Variants in PPP2R2B observed in about 807,000 individuals in gnomAD.
PPP2R2B encodes serine/threonine-protein phosphatase 2A 55 kDa regulatory subunit B beta isoform.
In PPP2R2B, 5 loss-of-function variants were observed where a neutral mutation model predicts 46.0. The ratio of observed to expected loss-of-function variants is 0.11; its 90% confidence interval spans 0.06 to 0.23. PPP2R2B has a LOEUF of 0.23. Ranked by LOEUF, PPP2R2B falls within the 10% of genes least tolerant of loss-of-function variation. The pLI is 1.00. For synonymous variants in PPP2R2B, 215 were observed against 206.7 expected (o/e 1.04, Z -0.34); for missense variants, 367 against 575.0 (o/e 0.64, Z 3.70).
Position 146,663,107 on chromosome 5 carries a change from T to A in PPP2R2B, c.448-12383A>T, listed in dbSNP as rs569177025. ...TAATTCATTTACACTCATAACAATTTTATGAGGTAGGTATTCATATCATCC... is the reference window on the plus strand; with the variant it reads ...TAATTCATTTACACTCATAACAATTATATGAGGTAGGTATTCATATCATCC... On this transcript the variant is annotated intron_variant, in intron 5 of 9. Coordinates refer to ENST00000394411, the MANE Select transcript of PPP2R2B (RefSeq NM_181675.4). Among the ~76,000 whole-genome samples, 218 of 152,312 alleles carry A rather than the reference T, an allele frequency of 1.4e-3. 1 individual carries two copies. The highest frequency in any genetic ancestry group is 7.7e-4 in the East Asian group (4 of 5,186).
intron 2 of PPP2R2B, among the ~76,000 whole-genome samples, chr5:146,752,599 T>C (rs1309974895): frequency 2.7e-4 from 41 of 152,194 alleles, no homozygotes; most frequent in Admixed American, 2.7e-3. Flanking sequence ...TGAAATAAGA[T>C]CAGTAAAAGT....
chr5:146,906,928 T>C lies in PPP2R2B; in HGVS notation c.79+148737A>G, dbSNP rs141340093. On this transcript the variant is annotated intron_variant, in intron 1 of 8. Transcript: ENST00000336640. Reference sequence around the variant, plus strand: ...CAGCTGATTAAATTTAAAGAGACAATCTACTTCTAAGAAGACCAGCCGAGT... The same window carrying C: ...CAGCTGATTAAATTTAAAGAGACAACCTACTTCTAAGAAGACCAGCCGAGT... Among the ~76,000 whole-genome samples, 94 of 152,244 alleles carry C rather than the reference T, an allele frequency of 6.2e-4. 1 individual carries two copies. In the East Asian group the frequency reaches 0.017, roughly 27 times the overall value.
intron 1 of PPP2R2B, among the ~76,000 whole-genome samples, chr5:146,908,621 G>C (rs1489472361): frequency 6.6e-6 from 1 of 151,500 alleles, no homozygotes; most frequent in Non-Finnish European, 1.5e-5. Context: ...CACCCTGTAA[G>C]GCTCACATCA....
At chr5:146,974,775 C>T (rs568539839) in intron 1 of PPP2R2B, among the ~76,000 whole-genome samples, 31 of 151,244 alleles carry the variant, frequency 2.0e-4, no homozygotes, top group Admixed American at 3.9e-4. Flanking sequence ...CTGCAAGCTC[C>T]GCCTACGGGT....
intron 9 of PPP2R2B, among the ~76,000 whole-genome samples, chr5:146,592,415 T>A (rs1770748993): frequency 6.6e-6 from 1 of 152,232 alleles, no homozygotes; most frequent in Non-Finnish European, 1.5e-5. Flanking sequence ...AATCAGAGAA[T>A]CATTTGTATT....
intron 2 of PPP2R2B, among the ~76,000 whole-genome samples, chr5:146,853,644 G>A (rs1760480591): frequency 6.6e-6 from 1 of 151,998 alleles, no homozygotes; most frequent in African/African-American, 2.4e-5. Flanking sequence ...CATAATTAGT[G>A]CTCAATAAAT....
chr5:147,005,802 AAAG>A (rs141408821), intron 1 of PPP2R2B, among the ~76,000 whole-genome samples: 39,467 of 151,970 alleles, frequency 0.26, 5,880 homozygotes, highest in African/African-American at 0.4. Context: ...AGAGACAGAC[AAAG>A]AAGAAGTCAA....
At chr5:146,929,018 C>T (rs916092532) in intron 1 of PPP2R2B, among the ~76,000 whole-genome samples, 3 of 152,118 alleles carry the variant, frequency 2.0e-5, no homozygotes, top group Non-Finnish European at 4.4e-5. Flanking sequence ...CTTCAAATAT[C>T]CAAGTGACTA....
At position 146,587,015 on chromosome 5, in the gene PPP2R2B, C is replaced by T. The variant is rs968164296; in HGVS notation, c.*2932G>A. On this transcript the variant is annotated 3_prime_UTR_variant, in exon 10 of 10. Transcript: ENST00000394411. ...TCCATTTTCCTTCATTCAACTGACA[C>T]CCTCCAGTTGTAATCTGATGGCTCT... 1 of 152,154 alleles carries T rather than the reference C, an allele frequency of 6.6e-6. No individual in the cohort carries two copies. The highest frequency in any genetic ancestry group is 1.5e-5 in the Non-Finnish European group (1 of 68,048). The allele number at this position is 152,154 out of a possible 1,614,324, so 9.4% of individuals were successfully genotyped here.
Position 146,903,074 on chromosome 5 carries a change from T to C in PPP2R2B, c.79+152591A>G, listed in dbSNP as rs572044312. On this transcript the variant is annotated intron_variant, in intron 1 of 8. Transcript: ENST00000336640. Reference sequence around the variant, plus strand: ...CAGAAGCACATATGAGAACCTGTCTTCTATTAAGCCAGATGTTAAAGAGAT... The same window carrying C: ...CAGAAGCACATATGAGAACCTGTCTCCTATTAAGCCAGATGTTAAAGAGAT... Among the ~76,000 whole-genome samples the C allele has an allele frequency of 2.6e-5, 4 of 152,336 alleles. No homozygotes were observed. The East Asian group carries it at 5.8e-4, about 22-fold the overall frequency.
In PPP2R2B at chr5:146,878,463, T is replaced by C; in HGVS notation, c.-125+128A>G. The stretch of plus-strand genomic sequence containing the variant: ...GGAGATGCCCAACAGGTTCCCCTCC[T>C]TGGCAGCCGCTCCAAAATGCAAAAA... On this transcript the variant is annotated intron_variant, in intron 1 of 9. Coordinates refer to ENST00000394411, the MANE Select transcript of PPP2R2B (RefSeq NM_181675.4). The surrounding 1 kb of genome is among the most constrained non-coding windows in gnomAD (Gnocchi z 4.5). 7.4e-7 allele frequency: 1 copy of C among 1,350,346 alleles called. No homozygotes were observed. 83.6% of individuals were successfully genotyped at this position (1,350,346 alleles called of 1,614,324 possible).
At chr5:146,926,179 A>C (rs319141) in intron 1 of PPP2R2B, among the ~76,000 whole-genome samples, 75,323 of 151,752 alleles carry the variant, frequency 0.5, 21,147 homozygotes, top group African/African-American at 0.74. Flanking sequence ...GAGTATGGGT[A>C]ACACTTTTTT....
chr5:146,716,613 C>G (rs879617249), intron 2 of PPP2R2B, among the ~76,000 whole-genome samples: 4 of 152,110 alleles, frequency 2.6e-5, no homozygotes, highest in African/African-American at 4.8e-5. Flanking sequence ...ATCTCTGGAT[C>G]CCTAGTGGGA....
intron 2 of PPP2R2B, among the ~76,000 whole-genome samples, chr5:146,833,100 C>T (rs1428629593): frequency 2.0e-5 from 3 of 152,028 alleles, no homozygotes; most frequent in East Asian, 1.9e-4. Context: ...TGAAACTTCA[C>T]AGGCTGCTTT....
chr5:147,051,022 T>C (rs1206151484), intron 1 of PPP2R2B, among the ~76,000 whole-genome samples: 1 of 152,122 alleles, frequency 6.6e-6, no homozygotes, highest in Non-Finnish European at 1.5e-5. Flanking sequence ...AGAGTCAAGC[T>C]CTGCACTAAA....
upstream of PPP2R2B, among the ~76,000 whole-genome samples, chr5:146,881,507 G>A (rs976640285): frequency 1.3e-5 from 2 of 152,122 alleles, no homozygotes; most frequent in Non-Finnish European, 2.9e-5. Flanking sequence ...CTGCCTCCCA[G>A]GTTCAAGTGA....
chr5:146,901,546 A>G (rs570921), intron 1 of PPP2R2B, among the ~76,000 whole-genome samples: 75,395 of 151,680 alleles, frequency 0.5, 20,859 homozygotes, highest in African/African-American at 0.72. Context: ...TACATTTCCA[A>G]TGCTATTTCA....
At position 146,769,355 on chromosome 5, in the gene PPP2R2B, A is replaced by T. The variant is rs200111570; in HGVS notation, c.71-68213T>A. 8.5e-5 allele frequency among the ~76,000 whole-genome samples: 13 copies of T among 152,266 alleles called. No individual in the cohort carries two copies. In the East Asian group the frequency reaches 2.5e-3, roughly 29 times the overall value. ...AGAAACTCTGGGGTGTGGCAAATCC[A>T]TGTGTATTAGCGAGCCCTTCAGGTG... On this transcript the variant is annotated intron_variant, in intron 2 of 9. Transcript: ENST00000394411.
At chr5:146,788,091 T>G (rs1299594675) in intron 2 of PPP2R2B, among the ~76,000 whole-genome samples, 1 of 152,164 alleles carries the variant, frequency 6.6e-6, no homozygotes, top group Non-Finnish European at 1.5e-5. Context: ...TCCCTCCCTC[T>G]GCCTCCTCCA....
Sources: allele counts gnomAD v4.1 joint callset (sites outside exome capture counted in the v4.1 genomes callset), GRCh38; gene constraint gnomAD v4.1.1; non-coding constraint Gnocchi (gnomAD v3.1); transcripts MANE v1.5; gene names NCBI Gene and HGNC (gene_info 2026-07-23, HGNC 2026-07-21).